Variants in TMEM132B observed in about 807,000 individuals in gnomAD.
The protein encoded by TMEM132B is transmembrane protein 132B.
In TMEM132B, 18 loss-of-function variants were observed where a neutral mutation model predicts 90.8. The ratio of observed to expected loss-of-function variants is 0.20; its 90% CI spans 0.14 to 0.29. The LOEUF (loss-of-function observed/expected upper bound fraction) is 0.29, where lower values mean the gene tolerates loss of function less well. TMEM132B is among the 10% of genes least tolerant of loss of function. The probability of loss-of-function intolerance (pLI) is 1.00; values close to 1 mark genes in which losing one functional copy is unlikely to be tolerated. For missense variants in TMEM132B, 1,096 were observed against 1,326.8 expected (o/e 0.83, Z 2.70); for synonymous variants, 504 against 523.3 (o/e 0.96, Z 0.50).
chr12:125,338,878 G>A (rs190234820), intron 1 of TMEM132B, among the ~76,000 whole-genome samples: 1 of 152,280 alleles, frequency 6.6e-6, no homozygotes, highest in Non-Finnish European at 1.5e-5. Flanking sequence ...GAATAAGTGT[G>A]CTCAGTCTGC....
At chr12:125,566,183 A>G (rs559679016) in intron 4 of TMEM132B, among the ~76,000 whole-genome samples, 1 of 152,362 alleles carries the variant, frequency 6.6e-6, no homozygotes, top group South Asian at 2.1e-4. Context: ...GTAGTGGTAC[A>G]ATGCTTGCAT....
At position 125,206,940 on chromosome 12, in the gene TMEM132B, G is replaced by A. The variant is rs575095177; in HGVS notation, c.67+20074G>A. On this transcript the variant is annotated intron_variant, in intron 1 of 8. Coordinates refer to ENST00000682704, the MANE Select transcript of TMEM132B (RefSeq NM_001366854.1). ...TTGGCTCGTTCCTCCCATGCTTCTC[G>A]CAGAGGCTCCTGGGGGAGGTGTTTG... is the stretch of plus-strand genomic sequence containing the variant. 1.2e-3 allele frequency among the ~76,000 whole-genome samples: 180 copies of A among 152,132 alleles called. 1 individual carries two copies. The highest frequency in any genetic ancestry group is 2.0e-3 in the Non-Finnish European group (135 of 68,030).
intron 1 of TMEM132B, among the ~76,000 whole-genome samples, chr12:125,283,391 A>C (rs1875254401): frequency 6.6e-6 from 1 of 152,176 alleles, no homozygotes; most frequent in Admixed American, 6.5e-5. Flanking sequence ...AACTCATGAA[A>C]ATTAAGTGAG....
chr12:125,307,788 G>GTATATGTATATACT (rs1876020485), intron 1 of TMEM132B, among the ~76,000 whole-genome samples: 1 of 81,898 alleles, frequency 1.2e-5, no homozygotes, highest in African/African-American at 5.0e-5. Flanking sequence ...TATAATACAA[G>GTATATGTATATACT]TATATTACAA....
At position 125,655,287 on chromosome 12, in the gene TMEM132B, A is replaced by G. The variant is rs990763167; in HGVS notation, c.*577A>G. 2 of 152,300 alleles carry G rather than the reference A, an allele frequency of 1.3e-5. No individual in the cohort carries two copies. Among genetic ancestry groups the G allele is most frequent in the African/African-American group, 2.4e-5 (1 of 41,464 alleles). The allele number at this position is 152,300 out of a possible 1,614,324, so 9.4% of individuals were successfully genotyped here. A position where few individuals can be genotyped will look rare whatever the true frequency, so the allele number is the denominator to read the frequency against. ...CTTTTCCTTGAGCTCTGTTTGATTT[A>G]CACATGAGTTTTCTTCCCTGGGATT... On this transcript the variant is annotated 3_prime_UTR_variant, in exon 9 of 9. Coordinates refer to ENST00000682704, the MANE Select transcript of TMEM132B (RefSeq NM_001366854.1).
chr12:125,252,146 G>A (rs1446388181), intron 1 of TMEM132B, among the ~76,000 whole-genome samples: 1 of 152,202 alleles, frequency 6.6e-6, no homozygotes, highest in African/African-American at 2.4e-5. Context: ...ATTCTCTTGG[G>A]TGATAAATAA....
intron 1 of TMEM132B, among the ~76,000 whole-genome samples, chr12:125,200,363 A>G (rs1873027267): frequency 6.6e-6 from 1 of 152,176 alleles, no homozygotes; most frequent in Admixed American, 6.5e-5. Context: ...TTCCTGTAGG[A>G]AGTCTATAGT....
At chr12:125,358,332 T>C (rs1713077961) in intron 2 of TMEM132B, among the ~76,000 whole-genome samples, 1 of 149,050 alleles carries the variant, frequency 6.7e-6, no homozygotes, top group Non-Finnish European at 1.5e-5. Flanking sequence ...CTATTTCCCT[T>C]AATGCTAATA....
At chr12:125,272,700 G>A (rs1021220165) in intron 1 of TMEM132B, among the ~76,000 whole-genome samples, 1 of 152,196 alleles carries the variant, frequency 6.6e-6, no homozygotes, top group South Asian at 2.1e-4. Flanking sequence ...AGCTAAAGGC[G>A]GAGGGAAGGA....
rs140171914 is a variant in TMEM132B, at chr12:125,244,550, C to T, written c.67+57684C>T. On this transcript the variant is annotated intron_variant, in intron 1 of 8. Coordinates refer to ENST00000682704, the MANE Select transcript of TMEM132B (RefSeq NM_001366854.1). ...GTGTTCTCTGTTCAACACCTCCTCT[C>T]GGCCACTGTCACTGGTATACACCCA... Among the ~76,000 whole-genome samples, 69 of 152,308 alleles carry T rather than the reference C, an allele frequency of 4.5e-4. 1 individual carries two copies. In the South Asian group the frequency reaches 0.012, roughly 27 times the overall value.
chr12:125,374,678 A>G (rs1343707165), intron 2 of TMEM132B, among the ~76,000 whole-genome samples: 3 of 150,962 alleles, frequency 2.0e-5, no homozygotes, highest in Non-Finnish European at 2.9e-5. Context: ...TTTCTTGCCT[A>G]AACTTATTTC....
intron 4 of TMEM132B, 57 bp from the exon 5 acceptor site, chr12:125,583,794 T>C (rs1372632325): frequency 1.9e-6 from 3 of 1,596,080 alleles, no homozygotes; most frequent in South Asian, 1.1e-5. Context: ...ACCCCTCTCC[T>C]GCTCGCCCCT....
intron 4 of TMEM132B, among the ~76,000 whole-genome samples, chr12:125,528,381 G>A (rs557197303): frequency 6.6e-6 from 1 of 152,310 alleles, no homozygotes; most frequent in East Asian, 1.9e-4. Context: ...GAGCACACTT[G>A]TGAGTTTCTA....
At chr12:125,237,778 T>C (rs1873970173) in intron 1 of TMEM132B, among the ~76,000 whole-genome samples, 1 of 152,232 alleles carries the variant, frequency 6.6e-6, no homozygotes, top group South Asian at 2.1e-4. Flanking sequence ...TGCATTTGCC[T>C]CCTGGGTGGT....
rs147824384 is a variant in TMEM132B at position 125,506,664 on chromosome 12, A to G, written c.1107-12775A>G. On this transcript the variant is annotated intron_variant, in intron 3 of 8. Coordinates refer to ENST00000682704, the MANE Select transcript of TMEM132B (RefSeq NM_001366854.1). ...ATACTTTATCAAAATACTTTATCAAATACTAACCAGCTTAATGCACAAAAA... is the reference window on the plus strand; with the variant it reads ...ATACTTTATCAAAATACTTTATCAAGTACTAACCAGCTTAATGCACAAAAA... Among the ~76,000 whole-genome samples, 1,111 of 152,378 alleles carry G rather than the reference A, an allele frequency of 7.3e-3. 5 individuals carry two copies. The highest frequency in any genetic ancestry group is 0.024 in the Middle Eastern group (7 of 294).
intron 1 of TMEM132B, among the ~76,000 whole-genome samples, chr12:125,300,169 C>T (rs544463114): frequency 2.6e-4 from 39 of 152,280 alleles, no homozygotes; most frequent in South Asian, 8.3e-4. Flanking sequence ...ACCCCAGCCA[C>T]GGCCCTTCCT....
intron 1 of TMEM132B, among the ~76,000 whole-genome samples, chr12:125,287,077 A>G (rs1490033396): frequency 7.1e-6 from 1 of 141,810 alleles, no homozygotes; most frequent in East Asian, 2.1e-4. Flanking sequence ...TCCTTCCTCC[A>G]TTGTTGAGGC....
chr12:125,495,572 T>C (rs967320697), intron 3 of TMEM132B, among the ~76,000 whole-genome samples: 1 of 152,228 alleles, frequency 6.6e-6, no homozygotes, highest in East Asian at 1.9e-4. Flanking sequence ...ATTTCTCTTA[T>C]TCACACATGC....
chr12:125,488,248 A>G (rs1306911435), intron 3 of TMEM132B, among the ~76,000 whole-genome samples: 1 of 152,200 alleles, frequency 6.6e-6, no homozygotes, highest in Non-Finnish European at 1.5e-5. Context: ...ATTGTACTGA[A>G]TGTCTAGCCA....
Sources: allele counts gnomAD v4.1 joint callset (sites outside exome capture counted in the v4.1 genomes callset), GRCh38; gene constraint gnomAD v4.1.1; transcripts MANE v1.5; gene names NCBI Gene and HGNC (gene_info 2026-07-23, HGNC 2026-07-21).